RP1: variants seen among roughly 807,000 people sequenced by gnomAD.
The protein encoded by RP1 is RP1 axonemal microtubule associated.
A neutral mutation model predicts 14.8 loss-of-function variants in RP1; 16 were observed. The observed-to-expected ratio is 1.08, with a 90% confidence interval of 0.73 to 1.65. RP1 has a LOEUF of 1.65. RP1 is among the 40% of genes most tolerant of loss of function. RP1 has a pLI of 0.00. For missense variants in RP1, 2,631 were observed against 2,535.0 expected (o/e 1.04, Z -0.81); for synonymous variants, 876 against 883.6 (o/e 0.99, Z 0.15).
chr8:54,842,744 CA>C (rs1811816554), intron 25 of RP1, among the ~76,000 whole-genome samples: 1 of 152,126 alleles, frequency 6.6e-6, no homozygotes, highest in Non-Finnish European at 1.5e-5. Context: ...GAGTAACAGC[CA>C]AAGTCATCAC....
intron 1 of RP1, among the ~76,000 whole-genome samples, chr8:54,586,988 C>T (rs995994532): frequency 2.6e-5 from 4 of 152,208 alleles, no homozygotes; most frequent in African/African-American, 9.6e-5. Flanking sequence ...GCTCGGTGCA[C>T]TGCACCCACT....
At chr8:54,697,843 G>A (rs186218657) in intron 12 of RP1, among the ~76,000 whole-genome samples, 1 of 152,260 alleles carries the variant, frequency 6.6e-6, no homozygotes, top group African/African-American at 2.4e-5. Context: ...GCCATATGTA[G>A]AAAGCCGAAA....
At chr8:54,838,264 A>T (rs930218308) in intron 25 of RP1, among the ~76,000 whole-genome samples, 2 of 152,186 alleles carry the variant, frequency 1.3e-5, no homozygotes, top group Non-Finnish European at 2.9e-5. Context: ...TCCTTTACTG[A>T]GTATTTTTTC....
rs61739567 is a variant in RP1 at position 54,629,980 on chromosome 8, G to T, written c.6098G>T (p.Cys2033Phe). 83 of 1,613,844 alleles carry T rather than the reference G, an allele frequency of 5.1e-5. No homozygotes were observed. The African/African-American group carries it at 9.7e-4, about 19-fold the overall frequency. Reference sequence around the variant, plus strand: ...CAACCAGATTTGAAGGAAAGGTTTTGTATGAATTTCTTGCACACATCATTG... The same window carrying T: ...CAACCAGATTTGAAGGAAAGGTTTTTTATGAATTTCTTGCACACATCATTG... ...KFQPDLKERFCMNFLHTSLLV... is the reference protein window; with the variant it reads ...KFQPDLKERFFMNFLHTSLLV... Residue 2033 changes from cysteine to phenylalanine, a missense_variant, in exon 4 of 4, where the codon TGT (cysteine) becomes TTT (phenylalanine). Transcript: ENST00000220676.
intron 7 of RP1, among the ~76,000 whole-genome samples, chr8:54,665,109 G>A (rs1443398695): frequency 6.6e-6 from 1 of 151,978 alleles, no homozygotes; most frequent in African/African-American, 2.4e-5. Flanking sequence ...TTCTCACTTG[G>A]TTCATTCATC....
In RP1 at chr8:54,627,414, G is replaced by T. The variant is rs147384119; in HGVS notation, c.3532G>T (p.Asp1178Tyr). 312 of 1,614,012 alleles carry T rather than the reference G, an allele frequency of 1.9e-4. No individual in the cohort carries two copies. Among genetic ancestry groups the T allele is most frequent in the Non-Finnish European group, 2.5e-4 (300 of 1,179,994 alleles). ...CATAGCTATCACAGAGGAAGCTGATGACTTGAAAGCTGCTGTTGCCAATTT... is the reference window on the plus strand; with the variant it reads ...CATAGCTATCACAGAGGAAGCTGATTACTTGAAAGCTGCTGTTGCCAATTT... ...KHIAITEEAD[D>Y]LKAAVANLVE... Residue 1178 changes from aspartate to tyrosine, a missense_variant, in exon 4 of 4, where the codon GAC (aspartate) becomes TAC (tyrosine). By Grantham distance (160) the Asp-to-Tyr change is radical. Coordinates refer to ENST00000220676, the MANE Select transcript of RP1 (RefSeq NM_006269.2).
At chr8:54,755,063 G>T in intron 20 of RP1, 2 of 1,022,556 alleles carry the variant, frequency 2.0e-6, no homozygotes, top group Non-Finnish European at 2.6e-6. Context: ...TTACTCTTGA[G>T]AAGTGACTTT....
chr8:54,832,762 T>C (rs1287458862), intron 24 of RP1, among the ~76,000 whole-genome samples: 1 of 151,924 alleles, frequency 6.6e-6, no homozygotes, highest in Non-Finnish European at 1.5e-5. Flanking sequence ...AATTTGTGGA[T>C]CACCTCGAAT....
Position 54,786,711 on chromosome 8 carries a change from G to A in RP1, c.3615+3001G>A, listed in dbSNP as rs146866757. 3.7e-3 allele frequency among the ~76,000 whole-genome samples: 555 copies of A among 152,046 alleles called. 3 individuals are homozygous for A. Among genetic ancestry groups the A allele is most frequent in the East Asian group, 0.013 (69 of 5,170 alleles). ...AGCACTGGATTTATGGAGAGTCTCCGTCTGCCATTTCAGAAGTCCTGCTCT... is the reference window on the plus strand; with the variant it reads ...AGCACTGGATTTATGGAGAGTCTCCATCTGCCATTTCAGAAGTCCTGCTCT... On this transcript the variant is annotated intron_variant, in intron 24 of 28. Coordinates refer to the RP1 transcript ENST00000637698.
intron 19 of RP1, among the ~76,000 whole-genome samples, chr8:54,753,351 G>C (rs950967164): frequency 2.0e-5 from 3 of 152,190 alleles, no homozygotes; most frequent in Non-Finnish European, 2.9e-5. Context: ...GTATTGAGAT[G>C]GGTAGGACAT....
intron 7 of RP1, among the ~76,000 whole-genome samples, chr8:54,673,469 G>A (rs866472414): frequency 2.6e-5 from 4 of 152,224 alleles, no homozygotes; most frequent in Middle Eastern, 6.8e-3. Context: ...GCTGGGTGCC[G>A]TGGCCCACGC....
intron 24 of RP1, among the ~76,000 whole-genome samples, chr8:54,789,576 G>A (rs1810410876): frequency 6.6e-6 from 1 of 152,142 alleles, no homozygotes; most frequent in African/African-American, 2.4e-5. Flanking sequence ...AGCCTACCGT[G>A]AAGCCCAGTC....
At chr8:54,702,624 C>A (rs1017402273) in intron 14 of RP1, among the ~76,000 whole-genome samples, 2 of 152,148 alleles carry the variant, frequency 1.3e-5, no homozygotes, top group East Asian at 3.9e-4. Context: ...ATTGGGGTGG[C>A]TGTGTCAGTT....
Position 54,706,761 on chromosome 8 carries a change from G to T in RP1, c.2211+106G>T, listed in dbSNP as rs144282586. On this transcript the variant is annotated intron_variant, in intron 15 of 22. Transcript: ENST00000636932. ...GGGTTTTGGAAATTGAATGTTACAT[G>T]TGGTGGTCTCCCTTGACTGGTATTT... The T allele has an allele frequency of 5.0e-4, 545 of 1,097,778 alleles. 2 individuals carry two copies. The African/African-American group carries it at 7.3e-3, about 15-fold the overall frequency. The allele number at this position is 1,097,778 out of a possible 1,614,324, so 68.0% of individuals were successfully genotyped here. A position where few individuals can be genotyped will look rare whatever the true frequency, so the allele number is the denominator to read the frequency against.
intron 1 of RP1, among the ~76,000 whole-genome samples, chr8:54,574,206 A>G (rs1804593792): frequency 6.6e-6 from 1 of 152,196 alleles, no homozygotes. Context: ...TCCTCAGAGC[A>G]CTTTTAGGAA....
chr8:54,596,340 C>T (rs929810111), intron 1 of RP1, among the ~76,000 whole-genome samples: 132 of 152,286 alleles, frequency 8.7e-4, no homozygotes, highest in African/African-American at 3.2e-3. Flanking sequence ...AACTGTAAAT[C>T]TACAATTTCT....
At chr8:54,670,486 TGTAA>T (rs1480774302) in intron 7 of RP1, among the ~76,000 whole-genome samples, 16 of 139,462 alleles carry the variant, frequency 1.1e-4, no homozygotes, top group East Asian at 4.0e-4. Flanking sequence ...GGTTTACATA[TGTAA>T]GTATGTATAT....
intron 12 of RP1, among the ~76,000 whole-genome samples, chr8:54,693,361 A>G (rs952897402): frequency 1.2e-4 from 19 of 152,118 alleles, no homozygotes. Flanking sequence ...GAAGAAAGTC[A>G]TTGGTAGCTT....
intron 17 of RP1, among the ~76,000 whole-genome samples, chr8:54,733,389 G>A (rs1010359479): frequency 2.0e-5 from 3 of 152,060 alleles, no homozygotes; most frequent in Admixed American, 2.0e-4. Context: ...AGATTACCCA[G>A]AGCTGTTATA....
Sources: allele counts gnomAD v4.1 joint callset (sites outside exome capture counted in the v4.1 genomes callset), GRCh38; gene constraint gnomAD v4.1.1; transcripts MANE v1.5; gene names NCBI Gene and HGNC (gene_info 2026-07-23, HGNC 2026-07-21).